PPA1: variants seen among roughly 807,000 people sequenced by gnomAD.
The protein encoded by PPA1 is inorganic pyrophosphatase 1.
PPA1 carries 23 observed loss-of-function variants against 41.8 expected under a neutral mutation model. The ratio of observed to expected loss-of-function variants is 0.55; its 90% confidence interval spans 0.40 to 0.78. The LOEUF (loss-of-function observed/expected upper bound fraction) is 0.78. Ranked by LOEUF, PPA1 falls within the 30% of genes least tolerant of loss-of-function variation. The pLI is 0.00. For missense variants in PPA1, 320 were observed against 361.6 expected (o/e 0.89, Z 0.93); for synonymous variants, 101 against 116.8 (o/e 0.86, Z 0.87).
chr10:70,233,172 G>A, intron 1 of PPA1, 92 bp downstream of exon 1: 1 of 1,386,524 alleles, frequency 7.2e-7, no homozygotes, highest in Non-Finnish European at 9.6e-7. Context: ...GGAGACCTGG[G>A]GCCGAGCGCG....
chr10:70,224,191 G>A (rs1475189489), intron 2 of PPA1, among the ~76,000 whole-genome samples: 1 of 788 alleles, frequency 1.3e-3, no homozygotes, highest in Non-Finnish European at 4.1e-3. Context: ...CAAGAGGATT[G>A]CTTAGACTAG....
chr10:70,230,473 T>C, intron 1 of PPA1, 74 bp from the exon 2 acceptor site: 2 of 1,437,906 alleles, frequency 1.4e-6, no homozygotes, highest in Non-Finnish European at 1.9e-6. Context: ...ACATTTTTTT[T>C]TTCTGAGATA....
At chr10:70,232,747 T>C (rs975459658) in intron 1 of PPA1, among the ~76,000 whole-genome samples, 4 of 151,996 alleles carry the variant, frequency 2.6e-5, no homozygotes, top group Non-Finnish European at 5.9e-5. Flanking sequence ...CGGCTCCCGA[T>C]CCGGGCCTCA....
intron 3 of PPA1, 22 bp downstream of exon 3, chr10:70,218,742 C>G (rs1564583443): frequency 6.3e-7 from 1 of 1,582,488 alleles, no homozygotes. Flanking sequence ...AAGTCTGACT[C>G]AAATGTAAGG....
At chr10:70,218,903 T>C in intron 2 of PPA1, 86 bp from the exon 3 acceptor site, 1 of 928,668 alleles carries the variant, frequency 1.1e-6, no homozygotes, top group Admixed American at 2.0e-5. Flanking sequence ...AAAGTCAAAC[T>C]GTTCATTGTA....
At chr10:70,229,312 C>CCTAAGACAGGTTCTTG in intron 2 of PPA1, among the ~76,000 whole-genome samples, 1 of 152,226 alleles carries the variant, frequency 6.6e-6, no homozygotes, top group East Asian at 1.9e-4. Flanking sequence ...TATTTATTTT[C>CCTAAGACAGGTTCTTG]CTAAGACAGG....
intron 1 of PPA1, among the ~76,000 whole-genome samples, chr10:70,231,233 A>G (rs1342520656): frequency 1.3e-5 from 2 of 152,262 alleles, no homozygotes; most frequent in Non-Finnish European, 2.9e-5. Flanking sequence ...AGTATTCTTT[A>G]GGAAACCTAC....
intron 2 of PPA1, among the ~76,000 whole-genome samples, chr10:70,223,105 C>A (rs903905152): frequency 6.6e-6 from 1 of 152,116 alleles, no homozygotes; most frequent in African/African-American, 2.4e-5. Context: ...CGACTAACGT[C>A]TATAATCCTA....
In PPA1 at chr10:70,214,520, C is replaced by G. The variant is rs767037181; in HGVS notation, c.364G>C (p.Val122Leu). The change falls in exon 5 of 11, where the codon GTG (valine) becomes CTG (leucine). Residue 122 changes from valine (V) to leucine (L), a missense_variant. Transcript: ENST00000373232. Reference protein sequence around the residue: ...GCCGDNDPIDVCEIGSKVCAR... With the variant: ...GCCGDNDPIDLCEIGSKVCAR... Reference sequence around the variant, plus strand: ...ATTACCTTGCTTCCAATTTCACACACATCAATTGGGTCATTGTCACCACAA... The same window carrying G: ...ATTACCTTGCTTCCAATTTCACACAGATCAATTGGGTCATTGTCACCACAA... 6.2e-7 allele frequency: 1 copy of G among 1,613,250 alleles called. No homozygotes were observed. The highest frequency in any genetic ancestry group is 1.3e-5 in the African/African-American group (1 of 74,904).
At chr10:70,225,303 C>T (rs978398510) in intron 2 of PPA1, among the ~76,000 whole-genome samples, 11 of 152,028 alleles carry the variant, frequency 7.2e-5, no homozygotes, top group Admixed American at 6.6e-4. Flanking sequence ...CTGCAACCTC[C>T]GTCTCCGGGG....
intron 10 of PPA1, among the ~76,000 whole-genome samples, 182 bp from the exon 11 acceptor site, chr10:70,203,368 T>TA (rs1839902605): frequency 6.6e-6 from 1 of 152,204 alleles, no homozygotes; most frequent in Admixed American, 6.5e-5. Flanking sequence ...TGGGCTTCCT[T>TA]ACACTTCATG....
intron 2 of PPA1, among the ~76,000 whole-genome samples, chr10:70,220,531 TA>T (rs1379236583): frequency 1.8e-5 from 1 of 56,096 alleles, no homozygotes; most frequent in Non-Finnish European, 3.0e-5. Flanking sequence ...ATATGTATTA[TA>T]TATAATTTTT....
At chr10:70,210,472 T>C in intron 6 of PPA1, 1 of 1,344,280 alleles carries the variant, frequency 7.4e-7, no homozygotes, top group South Asian at 1.1e-5. Flanking sequence ...GGTTACGTAT[T>C]AAATGTGACT....
chr10:70,213,360 T>G (rs2136756697), intron 6 of PPA1, 103 bp downstream of exon 6: 1 of 1,370,204 alleles, frequency 7.3e-7, no homozygotes. Context: ...CTCCATCCTT[T>G]AACAGTTTGA....
intron 2 of PPA1, among the ~76,000 whole-genome samples, chr10:70,219,478 A>C (rs774867350): frequency 6.6e-6 from 1 of 152,184 alleles, no homozygotes; most frequent in Non-Finnish European, 1.5e-5. Context: ...ATCATACTTT[A>C]GTTTATAAGA....
chr10:70,215,820 C>T (rs1840074304), intron 4 of PPA1, among the ~76,000 whole-genome samples: 1 of 152,130 alleles, frequency 6.6e-6, no homozygotes, highest in East Asian at 1.9e-4. Flanking sequence ...CATCACTGAC[C>T]AGGAGCCCGG....
rs756300703 is a variant in PPA1, at chr10:70,214,540, C to T, written c.344G>A (p.Gly115Asp). 3.7e-6 allele frequency: 6 copies of T among 1,613,762 alleles called. No individual in the cohort carries two copies. The Admixed American group carries it at 1.0e-4, about 27-fold the overall frequency. The change falls in exon 5 of 11, where the codon GGT (glycine) becomes GAT (aspartate). Residue 115 changes from glycine (G) to aspartate (D), a missense_variant. Coordinates refer to ENST00000373232, the MANE Select transcript of PPA1 (RefSeq NM_021129.4). ...ACACACATCAATTGGGTCATTGTCA[C>T]CACAACAGCCAGTATGTTTATCATT... ...GHNDKHTGCC[G>D]DNDPIDVCEI...
intron 6 of PPA1, chr10:70,210,548 C>T (rs1394742931): frequency 2.6e-6 from 2 of 766,844 alleles, no homozygotes; most frequent in South Asian, 2.0e-5. Flanking sequence ...CAGAAAAGTG[C>T]ACTGCTTTAA....
intron 6 of PPA1, chr10:70,210,489 T>G (rs1840004992): frequency 7.6e-7 from 1 of 1,311,052 alleles, no homozygotes; most frequent in Non-Finnish European, 1.0e-6. Context: ...GACTAGACTT[T>G]GCTGGATAGT....
Sources: allele counts gnomAD v4.1 joint callset (sites outside exome capture counted in the v4.1 genomes callset), GRCh38; gene constraint gnomAD v4.1.1; transcripts MANE v1.5; gene names NCBI Gene and HGNC (gene_info 2026-07-23, HGNC 2026-07-21).